The following ATP2B2 variants were observed in gnomAD, a reference collection of about 807,000 sequenced individuals.
The protein encoded by ATP2B2 is ATPase plasma membrane Ca2+ transporting 2.
ATP2B2 carries 15 observed loss-of-function variants against 120.0 expected under a neutral mutation model. The observed-to-expected ratio is 0.12, with a 90% CI of 0.08 to 0.19. ATP2B2 has a LOEUF of 0.19. Among genes scored for constraint, ATP2B2 ranks in the 10% least tolerant of loss-of-function variants. The probability of loss-of-function intolerance (pLI) is 1.00; values close to 1 mark genes in which losing one functional copy is unlikely to be tolerated. For synonymous variants in ATP2B2, 694 were observed against 700.3 expected, an observed-to-expected ratio of 0.99 and a Z score of 0.14; for missense variants, 1,045 against 1,719.8, an observed-to-expected ratio of 0.61 and a Z score of 6.94.
intron 1 of ATP2B2, among the ~76,000 whole-genome samples, chr3:10,467,780 T>C (rs1204120048): frequency 2.0e-5 from 3 of 152,052 alleles, no homozygotes; most frequent in Non-Finnish European, 4.4e-5. Flanking sequence ...TGTAATGGCA[T>C]TGGAGGAGCA....
At position 10,366,708 on chromosome 3, in the gene ATP2B2, C is replaced by T. The variant is rs575627454; in HGVS notation, c.1659+5101G>A. On this transcript the variant is annotated intron_variant, in intron 12 of 22. Coordinates refer to ENST00000360273, the MANE Select transcript of ATP2B2 (RefSeq NM_001001331.4). ...ATGTTTTCCCAAGGAAGCGTGGTGC[C>T]TCCAGAGGTCGAGGAAAGAGCTATT... 1.1e-4 allele frequency among the ~76,000 whole-genome samples: 17 copies of T among 152,308 alleles called. No individual in the cohort carries two copies. The South Asian group carries it at 2.3e-3, about 20-fold the overall frequency.
intron 1 of ATP2B2, among the ~76,000 whole-genome samples, chr3:10,647,890 C>T (rs926207045): frequency 2.6e-5 from 4 of 152,186 alleles, no homozygotes; most frequent in Admixed American, 6.5e-5. Context: ...GGGAGGCAGA[C>T]ATCCAGAAAA....
chr3:10,622,743 G>A (rs953389033), intron 1 of ATP2B2, among the ~76,000 whole-genome samples: 2 of 152,252 alleles, frequency 1.3e-5, no homozygotes, highest in African/African-American at 4.8e-5. Context: ...GGGCCTTGCA[G>A]AGGCTTTAAT....
chr3:10,420,959 C>T (rs2062957064), intron 2 of ATP2B2, among the ~76,000 whole-genome samples: 1 of 152,208 alleles, frequency 6.6e-6, no homozygotes. Context: ...CCAGGGATTG[C>T]AATGTGCAGC....
At chr3:10,378,153 C>G in intron 10 of ATP2B2, 99 bp downstream of exon 10, 5 of 1,491,996 alleles carry the variant, frequency 3.4e-6, no homozygotes, top group Non-Finnish European at 3.6e-6. Flanking sequence ...TCAAGCCCCC[C>G]ACTTTGCAGA....
At chr3:10,604,538 A>G (rs568412351) in intron 2 of ATP2B2, among the ~76,000 whole-genome samples, 27 of 152,268 alleles carry the variant, frequency 1.8e-4, no homozygotes, top group African/African-American at 6.5e-4. Context: ...ATAGCTTCTC[A>G]TATCACCTAC....
intron 2 of ATP2B2, among the ~76,000 whole-genome samples, chr3:10,576,378 T>C (rs2068247188): frequency 6.6e-6 from 1 of 152,202 alleles, no homozygotes; most frequent in African/African-American, 2.4e-5. Flanking sequence ...ATGATTGTTC[T>C]TATTATTATT....
intron 22 of ATP2B2, chr3:10,336,130 C>CTTCCT: frequency 6.5e-7 from 1 of 1,550,386 alleles, no homozygotes; most frequent in Non-Finnish European, 8.7e-7. Context: ...CACACTCACG[C>CTTCCT]CCGGCTGCAG....
chr3:10,486,324 C>CAT (rs1553616065), intron 1 of ATP2B2, among the ~76,000 whole-genome samples: 4 of 117,088 alleles, frequency 3.4e-5, no homozygotes, highest in South Asian at 2.6e-4. Flanking sequence ...TGTGTGCGTG[C>CAT]GTGTGTGTGT....
At chr3:10,332,049 A>C in intron 22 of ATP2B2, 1 of 1,549,800 alleles carries the variant, frequency 6.5e-7, no homozygotes, top group Non-Finnish European at 8.7e-7. Context: ...TAGGGAAACA[A>C]ACACATGGAA....
chr3:10,535,144 T>A (rs1275188589), intron 2 of ATP2B2, among the ~76,000 whole-genome samples: 1 of 152,052 alleles, frequency 6.6e-6, no homozygotes, highest in Non-Finnish European at 1.5e-5. Context: ...GTTTAGGTGA[T>A]CCACCTTCCT....
At chr3:10,658,285 T>C (rs888680495) in intron 1 of ATP2B2, among the ~76,000 whole-genome samples, 2 of 152,100 alleles carry the variant, frequency 1.3e-5, no homozygotes, top group Admixed American at 6.5e-5. Flanking sequence ...CTTCAGATGA[T>C]CAAACTTCTC....
intron 2 of ATP2B2, among the ~76,000 whole-genome samples, chr3:10,614,469 C>T (rs1006136798): frequency 6.6e-6 from 1 of 152,230 alleles, no homozygotes; most frequent in Admixed American, 6.5e-5. Context: ...AGGTAACAAA[C>T]AGATGCTCTG....
chr3:10,422,240 C>T (rs2063005241), intron 2 of ATP2B2, among the ~76,000 whole-genome samples: 1 of 152,174 alleles, frequency 6.6e-6, no homozygotes, highest in Non-Finnish European at 1.5e-5. Context: ...GGCCACGTGC[C>T]CCCTGTAAGA....
intron 1 of ATP2B2, among the ~76,000 whole-genome samples, chr3:10,694,897 G>A (rs775640231): frequency 5.1e-4 from 77 of 152,062 alleles, no homozygotes; most frequent in Non-Finnish European, 9.0e-4. Context: ...TGGCAGCTGT[G>A]CAAACTGAAG....
Position 10,350,464 on chromosome 3 carries a change from A to G in ATP2B2, c.2250T>C (p.Pro750=), listed in dbSNP as rs1260358850. The change falls in exon 15 of 23, where the codon CCT becomes CCC. Residue 750 remains proline, a synonymous_variant. Transcript: ENST00000360273. ...CCTCGAGGCACAGAAAGTCCTCCCC[A>G]GGATGGATGATGCCACACTTGATGG... The part of the protein sequence containing the change: ...AIAIKCGIIH[P]GEDFLCLEGK... 3 of 1,614,228 alleles carry G rather than the reference A, an allele frequency of 1.9e-6. No homozygotes were observed. In the South Asian group the frequency reaches 3.3e-5, roughly 18 times the overall value.
intron 1 of ATP2B2, among the ~76,000 whole-genome samples, chr3:10,487,314 A>T (rs2065726422): frequency 1.3e-5 from 2 of 152,098 alleles, no homozygotes. Context: ...ACCCCAAAAC[A>T]AATCCCCAGA....
rs188710751 is a variant in ATP2B2, at chr3:10,690,203, G to T, written c.-460+17712C>A. Among the ~76,000 whole-genome samples the T allele has an allele frequency of 1.1e-4, 16 of 152,320 alleles. No homozygotes were observed. The South Asian group carries it at 2.3e-3, about 22-fold the overall frequency. On this transcript the variant is annotated intron_variant, in intron 1 of 21. Coordinates refer to the ATP2B2 transcript ENST00000646379. Reference sequence around the variant, plus strand: ...TGTTCTCCGTCCAGGCTTGACATAGGGGGGGACAAACTGCTGATTCTCGAA... The same window carrying T: ...TGTTCTCCGTCCAGGCTTGACATAGTGGGGGACAAACTGCTGATTCTCGAA...
intron 1 of ATP2B2, among the ~76,000 whole-genome samples, chr3:10,455,831 C>G (rs1362012733): frequency 6.6e-6 from 1 of 152,206 alleles, no homozygotes; most frequent in Non-Finnish European, 1.5e-5. Flanking sequence ...CTGAGCAAGC[C>G]CCTTTCTTCT....
Sources: allele counts gnomAD v4.1 joint callset (sites outside exome capture counted in the v4.1 genomes callset), GRCh38; gene constraint gnomAD v4.1.1; transcripts MANE v1.5; gene names NCBI Gene and HGNC (gene_info 2026-07-23, HGNC 2026-07-21).